The following DYNLT2 variants were observed in gnomAD, a reference collection of about 807,000 sequenced individuals.
DYNLT2 encodes dynein light chain Tctex-type 2.
A neutral mutation model predicts 24.3 loss-of-function variants in DYNLT2; 24 were observed. That is an observed-to-expected ratio of 0.99 (90% CI 0.71 to 1.39). The LOEUF (loss-of-function observed/expected upper bound fraction) is 1.39. DYNLT2 is among the 40% of genes most tolerant of loss of function. The pLI is 0.00. For missense variants in DYNLT2, 246 were observed against 234.5 expected (o/e 1.05, Z -0.32); for synonymous variants, 85 against 85.4 (o/e 1.00, Z 0.03).
chr6:169,730,399 A>AT, the DYNLT2 span, among the ~76,000 whole-genome samples: 3 of 152,118 alleles, frequency 2.0e-5, no homozygotes, highest in Admixed American at 6.5e-5. Context: ...AGGAGCCAGA[A>AT]TTTTTTTTAA....
rs1315903005 is a variant in DYNLT2, at chr6:169,751,480, C to A, written c.-22G>T. 3 of 1,612,310 alleles carry A rather than the reference C, an allele frequency of 1.9e-6. No individual in the cohort carries two copies. The South Asian group carries it at 3.3e-5, about 18-fold the overall frequency. ...CCATCTCGCTCTGTTCTCCAAGACG[C>A]CCACCGCCTCCCCTTCACCGCCGGC... On this transcript the variant is annotated 5_prime_UTR_variant, in exon 1 of 4. Transcript: ENST00000366774.
the DYNLT2 span, among the ~76,000 whole-genome samples, chr6:169,728,618 C>T: frequency 3.3e-5 from 5 of 151,836 alleles, no homozygotes; most frequent in African/African-American, 1.2e-4. Context: ...TTTGTTGAAA[C>T]ATCAAAAACT....
At chr6:169,731,113 G>A in the DYNLT2 span, among the ~76,000 whole-genome samples, 2 of 152,126 alleles carry the variant, frequency 1.3e-5, no homozygotes, top group Non-Finnish European at 2.9e-5. Flanking sequence ...TTTTATGTTA[G>A]AGGAAAGGCA....
downstream of DYNLT2, among the ~76,000 whole-genome samples, chr6:169,737,917 A>G (rs1176785215): frequency 2.6e-5 from 4 of 152,196 alleles, no homozygotes; most frequent in African/African-American, 9.6e-5. Flanking sequence ...AGGAGAGGCT[A>G]AGCCTGCTGG....
chr6:169,729,998 T>C, the DYNLT2 span, among the ~76,000 whole-genome samples: 1 of 152,260 alleles, frequency 6.6e-6, no homozygotes, highest in Non-Finnish European at 1.5e-5. Context: ...TACATAGTGA[T>C]CTGTGAACTG....
downstream of DYNLT2, among the ~76,000 whole-genome samples, chr6:169,736,142 G>GTTT (rs59505534): frequency 1.4e-5 from 2 of 142,978 alleles, no homozygotes; most frequent in African/African-American, 5.1e-5. Context: ...TTTTTTGTTT[G>GTTT]TTTTTTTTTT....
intron 1 of DYNLT2, among the ~76,000 whole-genome samples, chr6:169,747,269 T>A (rs749990989): frequency 6.6e-6 from 1 of 152,106 alleles, no homozygotes; most frequent in Non-Finnish European, 1.5e-5. Flanking sequence ...AATTTTATTA[T>A]TCTATGTCTT....
Position 169,740,146 on chromosome 6 carries a change from AAAG to A in DYNLT2, c.*36_*38del. 1 of 1,311,162 alleles carries A rather than the reference AAAG, an allele frequency of 7.6e-7. No homozygotes were observed. 81.2% of individuals were successfully genotyped at this position (1,311,162 alleles called of 1,614,324 possible). On this transcript the variant is annotated 3_prime_UTR_variant, in exon 4 of 4. Transcript: ENST00000366774. ...ATATGTAAATTTCATTTATTTTTGA[AAAG>A]TTCGGAAGTAAACAATCCTTAGTAC...
the DYNLT2 span, among the ~76,000 whole-genome samples, chr6:169,733,010 T>C: frequency 6.6e-6 from 1 of 152,250 alleles, no homozygotes. Flanking sequence ...CATTGTGGTT[T>C]TGATTTGCAT....
chr6:169,728,868 T>C, the DYNLT2 span, among the ~76,000 whole-genome samples: 1 of 152,186 alleles, frequency 6.6e-6, no homozygotes, highest in Non-Finnish European at 1.5e-5. Context: ...CTTCCAACAT[T>C]TTATCTTTGC....
the DYNLT2 span, among the ~76,000 whole-genome samples, chr6:169,734,176 T>C: frequency 1.3e-5 from 2 of 152,180 alleles, no homozygotes; most frequent in African/African-American, 4.8e-5. Context: ...GTTCCAGAAG[T>C]TTTGGGGCTG....
chr6:169,737,324 A>T (rs942092736), downstream of DYNLT2, among the ~76,000 whole-genome samples: 1 of 152,128 alleles, frequency 6.6e-6, no homozygotes, highest in African/African-American at 2.4e-5. Context: ...CTGTCAATTC[A>T]TCCCTCTGAT....
chr6:169,748,621 TAAAAAC>T (rs767312839), intron 1 of DYNLT2, among the ~76,000 whole-genome samples: 52 of 152,190 alleles, frequency 3.4e-4, no homozygotes, highest in Non-Finnish European at 6.2e-4. Flanking sequence ...CTAAACCTCT[TAAAAAC>T]AAAATCATTT....
At chr6:169,728,124 G>A in the DYNLT2 span, among the ~76,000 whole-genome samples, 1 of 152,212 alleles carries the variant, frequency 6.6e-6, no homozygotes, top group Non-Finnish European at 1.5e-5. Context: ...CTTGGACAAA[G>A]TGGATAATGG....
At chr6:169,727,965 A>G in the DYNLT2 span, among the ~76,000 whole-genome samples, 1 of 152,218 alleles carries the variant, frequency 6.6e-6, no homozygotes, top group African/African-American at 2.4e-5. Context: ...AGAAGATCTG[A>G]GGAAGAAGGA....
intron 3 of DYNLT2, among the ~76,000 whole-genome samples, 169 bp from the exon 4 acceptor site, chr6:169,740,464 C>G (rs1393867443): frequency 6.6e-6 from 1 of 152,158 alleles, no homozygotes; most frequent in African/African-American, 2.4e-5. Context: ...AATGACGCTG[C>G]CCCAGCCCAT....
chr6:169,739,597 G>GA (rs1055099056), downstream of DYNLT2, among the ~76,000 whole-genome samples: 1 of 152,002 alleles, frequency 6.6e-6, no homozygotes, highest in African/African-American at 2.4e-5. Flanking sequence ...TCTTGCATCT[G>GA]AAAAAAAGAT....
At chr6:169,740,572 AT>A (rs1789656444) in intron 3 of DYNLT2, among the ~76,000 whole-genome samples, 1 of 152,018 alleles carries the variant, frequency 6.6e-6, no homozygotes, top group African/African-American at 2.4e-5. Flanking sequence ...GGGAATGGGG[AT>A]GTAGTGGCTC....
At chr6:169,729,485 G>A in the DYNLT2 span, among the ~76,000 whole-genome samples, 1 of 152,232 alleles carries the variant, frequency 6.6e-6, no homozygotes, top group South Asian at 2.1e-4. Context: ...AATCAAGGAA[G>A]CTATACAACT....
Sources: gnomAD v4.1 joint callset for allele counts (sites outside exome capture counted in the v4.1 genomes callset) on GRCh38, gnomAD v4.1.1 for gene constraint, MANE v1.5 for transcripts, NCBI Gene and HGNC (gene_info 2026-07-23, HGNC 2026-07-21) for gene names.